The following CEP85L variants were observed in gnomAD, a reference collection of about 807,000 sequenced individuals.
CEP85L encodes the protein centrosomal protein 85L.
Under a neutral mutation model 100.3 loss-of-function variants are expected in CEP85L, and 60 were observed. The observed-to-expected ratio is 0.60, with a 90% CI of 0.49 to 0.74. The LOEUF (loss-of-function observed/expected upper bound fraction) is 0.74, where lower values mean the gene tolerates loss of function less well. Ranked by LOEUF, CEP85L falls within the 30% of genes least tolerant of loss-of-function variation. The probability of loss-of-function intolerance (pLI) is 0.00; values close to 1 mark genes in which losing one functional copy is unlikely to be tolerated. For synonymous variants in CEP85L, 319 were observed against 322.7 expected (o/e 0.99, Z 0.12); for missense variants, 973 against 936.2 (o/e 1.04, Z -0.51).
intron 12 of CEP85L, among the ~76,000 whole-genome samples, chr6:118,467,599 TA>T (rs1772626452): frequency 1.3e-5 from 2 of 152,164 alleles, no homozygotes; most frequent in East Asian, 1.9e-4. Flanking sequence ...GTGGGCGTGG[TA>T]AGATTCACAT....
chr6:118,524,337 G>C (rs970499027), intron 3 of CEP85L, among the ~76,000 whole-genome samples: 2 of 152,086 alleles, frequency 1.3e-5, no homozygotes, highest in Non-Finnish European at 2.9e-5. Context: ...CCAGCTACTC[G>C]GGAGGCTGAG....
chr6:118,703,371 G>T (rs1226657379), intron 1 of CEP85L, among the ~76,000 whole-genome samples: 3 of 152,146 alleles, frequency 2.0e-5, no homozygotes, highest in Non-Finnish European at 4.4e-5. Context: ...TTTGAAGTGT[G>T]TTGTTATTCA....
intron 3 of CEP85L, among the ~76,000 whole-genome samples, chr6:118,546,249 T>A (rs116331469): frequency 1.3e-5 from 2 of 152,206 alleles, no homozygotes; most frequent in Non-Finnish European, 2.9e-5. Context: ...AAAAAGTAAA[T>A]TTTTGAATCC....
At chr6:118,668,199 G>T (rs1173046099) in intron 1 of CEP85L, among the ~76,000 whole-genome samples, 1 of 152,140 alleles carries the variant, frequency 6.6e-6, no homozygotes, top group African/African-American at 2.4e-5. Context: ...GCTTGTGCAG[G>T]CAGGAGAGCA....
rs7748248 is a variant in CEP85L at position 118,546,084 on chromosome 6, C to G, written c.1020+19445G>C. On this transcript the variant is annotated intron_variant, in intron 3 of 12. Transcript: ENST00000368491. ...ACTCATTAATACTCCTATTAAACAA[C>G]TTTCTGTTTGGGCAATTAAAAACAA... is the stretch of plus-strand genomic sequence containing the variant. Among the ~76,000 whole-genome samples the G allele has an allele frequency of 6.4e-4, 97 of 152,216 alleles. 1 individual carries two copies. Among genetic ancestry groups the G allele is most frequent in the African/African-American group, 2.1e-3 (89 of 41,542 alleles).
chr6:118,519,383 G>A (rs1255847715), intron 4 of CEP85L, among the ~76,000 whole-genome samples: 1 of 150,190 alleles, frequency 6.7e-6, no homozygotes, highest in East Asian at 2.0e-4. Context: ...AGGTTGCAGT[G>A]AGCCAAGATC....
At position 118,651,239 on chromosome 6, in the gene CEP85L, T is replaced by A; in HGVS notation, c.31A>T (p.Ser11Cys). Residue 11 changes from serine to cysteine, a missense_variant, in exon 1 of 13, where the codon AGC (serine) becomes TGC (cysteine). Transcript: ENST00000368491. ...GCTCCGCCGGGGCTATCCCGGCCGC[T>A]GGCCTCCGGAGCCAGGAAGCGCCCC... MWGRFLAPEA[S>C]GRDSPGGARS... The A allele has an allele frequency of 6.7e-7, 1 of 1,494,802 alleles. No individual in the cohort carries two copies. Among genetic ancestry groups the A allele is most frequent in the Non-Finnish European group, 8.9e-7 (1 of 1,128,280 alleles). The allele number at this position is 1,494,802 out of a possible 1,614,324, so 92.6% of individuals were successfully genotyped here. A position where few individuals can be genotyped will look rare whatever the true frequency, so the allele number is the denominator to read the frequency against.
intron 6 of CEP85L, among the ~76,000 whole-genome samples, chr6:118,484,809 A>T (rs1439674624): frequency 6.6e-6 from 1 of 152,238 alleles, no homozygotes; most frequent in East Asian, 1.9e-4. Context: ...ATAGTGTACT[A>T]AACAATGCAA....
intron 3 of CEP85L, among the ~76,000 whole-genome samples, chr6:118,529,589 C>G (rs1777167399): frequency 8.7e-6 from 1 of 114,504 alleles, no homozygotes; most frequent in Non-Finnish European, 1.6e-5. Context: ...GCCTGGGCGA[C>G]AGAGCGAGAC....
chr6:118,480,387 T>C lies in CEP85L; in HGVS notation c.1863+9A>G. 6.8e-7 allele frequency: 1 copy of C among 1,475,000 alleles called. No homozygotes were observed. Among genetic ancestry groups the C allele is most frequent in the South Asian group, 1.2e-5 (1 of 86,238 alleles). 91.4% of individuals were successfully genotyped at this position (1,475,000 alleles called of 1,614,324 possible). A position where few individuals can be genotyped will look rare whatever the true frequency, so the allele number is the denominator to read the frequency against. ...GATTTCACGTTTATGATCTAAGGTA[T>C]CTACTGACCTTACTAGCAGTCTCAT... On this transcript the variant is annotated intron_variant, in intron 9 of 12. Transcript: ENST00000368491.
chr6:118,528,168 C>T (rs1287911669), intron 3 of CEP85L, among the ~76,000 whole-genome samples: 4 of 151,896 alleles, frequency 2.6e-5, no homozygotes, highest in Non-Finnish European at 5.9e-5. Flanking sequence ...AAAAAAATTT[C>T]CCATGGCTGA....
At chr6:118,556,656 G>A (rs1224093424) in intron 3 of CEP85L, among the ~76,000 whole-genome samples, 1 of 152,110 alleles carries the variant, frequency 6.6e-6, no homozygotes, top group South Asian at 2.1e-4. Context: ...AAGGACTTAG[G>A]AGAAAATAAA....
At chr6:118,642,054 G>T (rs1444063774) in intron 1 of CEP85L, among the ~76,000 whole-genome samples, 1 of 152,048 alleles carries the variant, frequency 6.6e-6, no homozygotes, top group Non-Finnish European at 1.5e-5. Flanking sequence ...TAAAAAAAAG[G>T]ATGCCAATTA....
intron 1 of CEP85L, among the ~76,000 whole-genome samples, chr6:118,706,936 G>A (rs540540804): frequency 5.5e-4 from 83 of 152,126 alleles, no homozygotes; most frequent in Non-Finnish European, 9.9e-4. Flanking sequence ...CTACCCCATG[G>A]AGCTCTCATG....
intron 4 of CEP85L, among the ~76,000 whole-genome samples, chr6:118,513,488 G>A (rs1421746058): frequency 1.3e-5 from 2 of 152,056 alleles, no homozygotes; most frequent in Non-Finnish European, 2.9e-5. Context: ...AGGAGACAAA[G>A]ATGAAGAGGA....
intron 3 of CEP85L, among the ~76,000 whole-genome samples, chr6:118,554,814 A>G (rs921446588): frequency 3.3e-5 from 5 of 152,202 alleles, no homozygotes; most frequent in Non-Finnish European, 5.9e-5. Context: ...TGGAGAACAC[A>G]TTCCAGGCAG....
intron 2 of CEP85L, among the ~76,000 whole-genome samples, chr6:118,595,117 T>C (rs1781396512): frequency 1.3e-5 from 2 of 152,158 alleles, no homozygotes; most frequent in Non-Finnish European, 2.9e-5. Context: ...GTACAACAAG[T>C]GCTGCATACT....
intron 2 of CEP85L, among the ~76,000 whole-genome samples, chr6:118,577,514 A>G (rs1470102372): frequency 6.6e-6 from 1 of 152,184 alleles, no homozygotes; most frequent in Non-Finnish European, 1.5e-5. Context: ...TTGAATCTGT[A>G]TTGTTCTCGT....
intron 2 of CEP85L, among the ~76,000 whole-genome samples, chr6:118,586,650 G>A (rs1177063145): frequency 6.6e-6 from 1 of 152,192 alleles, no homozygotes; most frequent in Non-Finnish European, 1.5e-5. Context: ...ATAGCAATGT[G>A]AAGAAATGGA....
Sources: gnomAD v4.1 joint callset for allele counts (sites outside exome capture counted in the v4.1 genomes callset) on GRCh38, gnomAD v4.1.1 for gene constraint, MANE v1.5 for transcripts, NCBI Gene and HGNC (gene_info 2026-07-23, HGNC 2026-07-21) for gene names.